BAG6: variants seen among roughly 807,000 people sequenced by gnomAD.
The protein encoded by BAG6 is BAG cochaperone 6.
A neutral mutation model predicts 121.0 loss-of-function variants in BAG6; 22 were observed. That is an observed-to-expected ratio of 0.18 (90% CI 0.13 to 0.26). The LOEUF (loss-of-function observed/expected upper bound fraction) is 0.26, where lower values mean the gene tolerates loss of function less well. Ranked by LOEUF, BAG6 falls within the 10% of genes least tolerant of loss-of-function variation. BAG6 has a pLI of 1.00. For missense variants in BAG6, 1,233 were observed against 1,537.7 expected, an observed-to-expected ratio of 0.80 and a Z score of 3.31; for synonymous variants, 583 against 584.6, an observed-to-expected ratio of 1.00 and a Z score of 0.04.
chr6:31,639,360 G>T, intron 25 of BAG6, 134 bp from the exon 26 acceptor site: 2 of 1,469,794 alleles, frequency 1.4e-6, no homozygotes, highest in Non-Finnish European at 9.3e-7. Context: ...GGGTGGCACT[G>T]TCAAGCCTTC....
intron 7 of BAG6, 109 bp from the exon 8 acceptor site, chr6:31,646,632 G>A: frequency 1.4e-6 from 2 of 1,403,420 alleles, no homozygotes; most frequent in East Asian, 2.5e-5. Flanking sequence ...CCAGAGCCCT[G>A]GCCCAATCCT....
chr6:31,641,985 C>A lies in BAG6; in HGVS notation c.2336-40G>T, dbSNP rs143860865. 1.2e-5 allele frequency: 20 copies of A among 1,606,252 alleles called. No individual in the cohort carries two copies. Among genetic ancestry groups the A allele is most frequent in the Non-Finnish European group, 1.7e-5 (20 of 1,175,476 alleles). On this transcript the variant is annotated intron_variant, in intron 16 of 25. Coordinates refer to ENST00000676615, the MANE Select transcript of BAG6 (RefSeq NM_001387994.1). This position sits in a 1 kb window ranked among gnomAD's most constrained non-coding sequence, Gnocchi z 5.7. The stretch of plus-strand genomic sequence containing the variant: ...CAGATGTTAGCAATGGCCTTTACCA[C>A]CTGGCCTGCCCACCCACAACCAGAT...
chr6:31,641,676 TG>T lies in BAG6; in HGVS notation c.2506-85del, dbSNP rs1782936729. On this transcript the variant is annotated intron_variant, in intron 17 of 25. Transcript: ENST00000676615. The surrounding 1 kb of genome is among the most constrained non-coding windows in gnomAD (Gnocchi z 5.7). Reference sequence around the variant, plus strand: ...TCGACCCCAACAAGTCCAGGGCTTGTGTGGGGGCAATTGGAGCTTTACCTGG... The same window carrying T: ...TCGACCCCAACAAGTCCAGGGCTTGTTGGGGGCAATTGGAGCTTTACCTGG... 9.9e-6 allele frequency: 16 copies of T among 1,608,716 alleles called. No homozygotes were observed. The highest frequency in any genetic ancestry group is 1.4e-5 in the Non-Finnish European group (16 of 1,175,178).
chr6:31,641,301 C>T lies in BAG6; in HGVS notation c.2662+19G>A, dbSNP rs535174069. The T allele has an allele frequency of 3.7e-5, 60 of 1,613,856 alleles. No individual in the cohort carries two copies. The highest frequency in any genetic ancestry group is 8.0e-5 in the African/African-American group (6 of 75,074). On this transcript the variant is annotated intron_variant, in intron 19 of 25. Coordinates refer to ENST00000676615, the MANE Select transcript of BAG6 (RefSeq NM_001387994.1). The surrounding 1 kb of genome is among the most constrained non-coding windows in gnomAD (Gnocchi z 5.7). The stretch of plus-strand genomic sequence containing the variant: ...ACATGCAACAGGCCCCACTTGCCCC[C>T]GCCTGGCCAGCCCCTGACCTGTGCA...
rs746895238 is a variant in BAG6, at chr6:31,646,379, C to T, written c.918+15G>A. ...TGGGGCTGAGGAGAAAGGGCAGGGCCATCAAAGGGCTCACATTGTTATTGT... is the reference window on the plus strand; with the variant it reads ...TGGGGCTGAGGAGAAAGGGCAGGGCTATCAAAGGGCTCACATTGTTATTGT... On this transcript the variant is annotated intron_variant, in intron 8 of 25. Transcript: ENST00000676615. The T allele has an allele frequency of 6.2e-7, 1 of 1,611,182 alleles. No individual in the cohort carries two copies.
chr6:31,649,289 C>T lies in BAG6; in HGVS notation c.333G>A (p.Gly111=). ...GCCCCCGAGTACCAGGGGGGGATCCCCCACCATGAGTGGCTGAGGCAGACC... is the reference window on the plus strand; with the variant it reads ...GCCCCCGAGTACCAGGGGGGGATCCTCCACCATGAGTGGCTGAGGCAGACC... ...GTGSASATHG[G]GSPPGTRGPG... The change falls in exon 4 of 26, where the codon GGG becomes GGA. Residue 111 remains glycine (G), a synonymous_variant. Transcript: ENST00000676615. 6.2e-7 allele frequency: 1 copy of T among 1,613,258 alleles called. No individual in the cohort carries two copies. The highest frequency in any genetic ancestry group is 8.5e-7 in the Non-Finnish European group (1 of 1,180,016).
intron 1 of BAG6, 175 bp downstream of exon 1, chr6:31,652,249 G>C (rs537893935): frequency 1.2e-5 from 2 of 162,252 alleles, no homozygotes; most frequent in South Asian, 1.5e-4. Context: ...CGACAGACCT[G>C]CTAGCTGACT....
At chr6:31,651,556 AG>A in intron 2 of BAG6, 99 bp downstream of exon 2, 1 of 1,115,588 alleles carries the variant, frequency 9.0e-7, no homozygotes, top group Middle Eastern at 2.0e-4. Context: ...AGAAAAAAAA[AG>A]AAAATCTGGT....
Position 31,640,349 on chromosome 6 carries a change from C to T in BAG6, c.3138+36G>A. The T allele has an allele frequency of 6.2e-7, 1 of 1,614,214 alleles. No individual in the cohort carries two copies. The highest frequency in any genetic ancestry group is 1.1e-5 in the South Asian group (1 of 91,086). On this transcript the variant is annotated intron_variant, in intron 23 of 25. Transcript: ENST00000676615. This position sits in a 1 kb window ranked among gnomAD's most constrained non-coding sequence, Gnocchi z 4.2. The stretch of plus-strand genomic sequence containing the variant: ...AAATAGTAATGTCCTTGACTTTCAG[C>T]TGCCATGACCCACTGGATTACTTCC...
At position 31,643,132 on chromosome 6, in the gene BAG6, A is replaced by C; in HGVS notation, c.1757-17T>G. 1 of 1,543,312 alleles carries C rather than the reference A, an allele frequency of 6.5e-7. No individual in the cohort carries two copies. ...TCCCCTGAGCTGTAAGAAACCAAAA[A>C]AAGAAAGCTGGGCTGAGCATGGTGG... On this transcript the variant is annotated splice_polypyrimidine_tract_variant and intron_variant, in intron 14 of 25. Coordinates refer to ENST00000676615, the MANE Select transcript of BAG6 (RefSeq NM_001387994.1).
At chr6:31,649,442 C>T in intron 3 of BAG6, 47 bp from the exon 4 acceptor site, 1 of 1,610,668 alleles carries the variant, frequency 6.2e-7, no homozygotes, top group South Asian at 1.1e-5. Flanking sequence ...AACAGGTAAA[C>T]CCATGGCCTC....
Position 31,646,440 on chromosome 6 carries a change from T to C in BAG6, c.872A>G (p.Tyr291Cys), listed in dbSNP as rs577555616. 7 of 1,612,998 alleles carry C rather than the reference T, an allele frequency of 4.3e-6. No homozygotes were observed. In the South Asian group the frequency reaches 6.6e-5, roughly 15 times the overall value. ...GGCAGCAGCACCCAGAACCTCGTAGTAGCGCTGCAAGAAGGGCTGGAGGCG... is the reference window on the plus strand; with the variant it reads ...GGCAGCAGCACCCAGAACCTCGTAGCAGCGCTGCAAGAAGGGCTGGAGGCG... ...ESRLQPFLQRYYEVLGAAATT... is the reference protein window; with the variant it reads ...ESRLQPFLQRCYEVLGAAATT... Residue 291 changes from tyrosine to cysteine, a missense_variant, in exon 8 of 26, where the codon TAC becomes TGC. Around this residue, in one of 7 missense-constraint regions of BAG6, gnomAD observed 777 missense variants for 861.4 expected, o/e 0.90. Transcript: ENST00000676615.
chr6:31,644,315 G>A lies in BAG6; in HGVS notation c.1547C>T (p.Ala516Val), dbSNP rs371641500. The change falls in exon 12 of 26, where the codon GCG becomes GTG. Residue 516 changes from alanine to valine, a missense_variant. Physicochemically the swap from Ala to Val is moderately conservative, Grantham distance 64. Transcript: ENST00000676615. The surrounding 1 kb of genome is among the most constrained non-coding windows in gnomAD (Gnocchi z 4.9). ...HQAMVAAVAS[A>V]AAGQQVPGFP... is the part of the protein sequence containing the mutation. ...CCCTTCCAGGTCATTACCTGCGGCC[G>A]CGGAGGCAACAGCTGCCACCATGGC... 2.1e-5 allele frequency: 32 copies of A among 1,551,920 alleles called. No individual in the cohort carries two copies. The East Asian group carries it at 3.2e-4, about 15-fold the overall frequency.
In BAG6 at chr6:31,640,938, G is replaced by T. The variant is rs761091377; in HGVS notation, c.2788C>A (p.Arg930Ser). 7 of 1,611,844 alleles carry T rather than the reference G, an allele frequency of 4.3e-6. No individual in the cohort carries two copies. Among genetic ancestry groups the T allele is most frequent in the South Asian group, 1.1e-5 (1 of 90,974 alleles). ...GGATTCACCCCACGAGACATACGAC[G>T]CTGAGGGACAGAAAGCAGATTTAGA... is the stretch of plus-strand genomic sequence containing the variant. ...ELAAVINGRI[R>S]RMSRGVNPSL... is the part of the protein sequence containing the mutation. The change falls in exon 21 of 26, where the codon CGT (arginine) becomes AGT (serine). Residue 930 changes from arginine to serine, a missense_variant and splice_region_variant. Physicochemically the swap from Arg to Ser is moderately radical, Grantham distance 110. Around this residue, in one of 7 missense-constraint regions of BAG6, gnomAD observed 288 missense variants for 483.1 expected, o/e 0.60. Transcript: ENST00000676615. The surrounding 1 kb of genome is among the most constrained non-coding windows in gnomAD (Gnocchi z 4.2).
In BAG6 at chr6:31,640,582, C is replaced by T; in HGVS notation, c.2995-54G>A. 6.2e-7 allele frequency: 1 copy of T among 1,612,652 alleles called. No homozygotes were observed. The highest frequency in any genetic ancestry group is 8.5e-7 in the Non-Finnish European group (1 of 1,179,724). ...GCTTCAGAATTTTTAGCCTCCAAAC[C>T]TTTCTCCCCCAGCCCTCCACTCCAC... On this transcript the variant is annotated intron_variant, in intron 22 of 25. Transcript: ENST00000676615. The surrounding 1 kb of genome is among the most constrained non-coding windows in gnomAD (Gnocchi z 4.2).
intron 14 of BAG6, among the ~76,000 whole-genome samples, chr6:31,643,363 A>G (rs1232631618): frequency 1.3e-5 from 2 of 151,180 alleles, no homozygotes; most frequent in African/African-American, 4.9e-5. Context: ...GTGAGCTTTA[A>G]CTCACTGGAT....
intron 24 of BAG6, chr6:31,639,868 A>C (rs559214661): frequency 1.5e-6 from 1 of 672,498 alleles, no homozygotes; most frequent in Non-Finnish European, 2.4e-6. Flanking sequence ...GTGCTCTTCA[A>C]AACGAAAGGC....
At chr6:31,649,436 G>A (rs760823384) in intron 3 of BAG6, 41 bp from the exon 4 acceptor site, 3 of 1,609,846 alleles carry the variant, frequency 1.9e-6, no homozygotes, top group Middle Eastern at 3.3e-4. Flanking sequence ...AGTATGAACA[G>A]GTAAACCCAT....
intron 15 of BAG6, 113 bp downstream of exon 15, chr6:31,642,716 C>T (rs975651662): frequency 2.3e-6 from 3 of 1,283,172 alleles, no homozygotes; most frequent in African/African-American, 3.0e-5. Context: ...GCCCCTTCCC[C>T]TAACATGTCA....
Sources: gnomAD v4.1 joint callset for allele counts (sites outside exome capture counted in the v4.1 genomes callset) on GRCh38, gnomAD v4.1.1 for gene constraint, gnomAD v4.1.1 regional missense constraint, Gnocchi (gnomAD v3.1) non-coding constraint, MANE v1.5 for transcripts, NCBI Gene and HGNC (gene_info 2026-07-23, HGNC 2026-07-21) for gene names.